The following LRMDA variants were observed in gnomAD, a reference collection of about 807,000 sequenced individuals.
The protein encoded by LRMDA is leucine-rich melanocyte differentiation-associated protein.
In LRMDA, 18 loss-of-function variants were observed where a neutral mutation model predicts 29.8. That is an observed-to-expected ratio of 0.60 (90% CI 0.42 to 0.90). The LOEUF (loss-of-function observed/expected upper bound fraction) is 0.90, where lower values mean the gene tolerates loss of function less well. LRMDA is among the 40% of genes least tolerant of loss of function. The pLI is 0.00. For missense variants in LRMDA, 273 were observed against 273.9 expected (o/e 1.00, Z 0.02); for synonymous variants, 125 against 109.4 (o/e 1.14, Z -0.89).
At chr10:75,436,690 C>T (rs1161346050) in intron 1 of LRMDA, among the ~76,000 whole-genome samples, 3 of 151,882 alleles carry the variant, frequency 2.0e-5, no homozygotes, top group Admixed American at 6.5e-5. Context: ...AGGATGGTGT[C>T]GATCCCCTGA....
At position 75,739,563 on chromosome 10, in the gene LRMDA, G is replaced by A. The variant is rs866250571; in HGVS notation, c.132-296445G>A. ...CTTGTTGGTCAGGCCATATATTATC[G>A]TTGGCGGGTTTGACAGCTTCTGAAG... On this transcript the variant is annotated intron_variant, in intron 2 of 6. Transcript: ENST00000611255. Among the ~76,000 whole-genome samples, 4 of 152,292 alleles carry A rather than the reference G, an allele frequency of 2.6e-5. No individual in the cohort carries two copies. The Middle Eastern group carries it at 0.01, about 389-fold the overall frequency.
chr10:76,351,262 T>C (rs1841173499), intron 6 of LRMDA, among the ~76,000 whole-genome samples: 1 of 152,164 alleles, frequency 6.6e-6, no homozygotes, highest in Admixed American at 6.5e-5. Context: ...GCTACCTTCC[T>C]TGCTTTTCTA....
chr10:76,204,062 G>A (rs116087856), intron 5 of LRMDA, among the ~76,000 whole-genome samples: 1,874 of 89,088 alleles, frequency 0.021, 45 homozygotes, highest in African/African-American at 0.071. Context: ...CTGTCCACCC[G>A]TCTCTATTCC....
intron 2 of LRMDA, among the ~76,000 whole-genome samples, chr10:75,971,124 C>T (rs1054640321): frequency 2.0e-5 from 3 of 152,148 alleles, no homozygotes; most frequent in African/African-American, 7.2e-5. Context: ...TTTCTCAGCA[C>T]CCCTGAGTCA....
chr10:75,793,828 G>A (rs1843607270), intron 2 of LRMDA, among the ~76,000 whole-genome samples: 1 of 152,212 alleles, frequency 6.6e-6, no homozygotes, highest in Non-Finnish European at 1.5e-5. Flanking sequence ...TGGAGCAGGA[G>A]TGAGAAATAA....
chr10:76,157,166 T>C (rs1159833306), intron 5 of LRMDA, among the ~76,000 whole-genome samples: 1 of 152,120 alleles, frequency 6.6e-6, no homozygotes, highest in Non-Finnish European at 1.5e-5. Flanking sequence ...CTTTTGAAAA[T>C]GGATCAAGGT....
chr10:76,145,386 A>G (rs566736530), intron 5 of LRMDA, among the ~76,000 whole-genome samples: 2 of 152,048 alleles, frequency 1.3e-5, no homozygotes, highest in African/African-American at 4.8e-5. Context: ...TTGGTCTATT[A>G]AGAGATTCAA....
chr10:76,013,841 G>A (rs1387570543), intron 2 of LRMDA, among the ~76,000 whole-genome samples: 1 of 151,624 alleles, frequency 6.6e-6, no homozygotes, highest in Non-Finnish European at 1.5e-5. Flanking sequence ...ATATTCCCTT[G>A]GCAATCACCA....
At chr10:76,045,651 C>T (rs1848426948) in intron 3 of LRMDA, among the ~76,000 whole-genome samples, 1 of 152,104 alleles carries the variant, frequency 6.6e-6, no homozygotes, top group Non-Finnish European at 1.5e-5. Flanking sequence ...TTAAGGAAGA[C>T]ATGTGAGCTT....
intron 2 of LRMDA, among the ~76,000 whole-genome samples, chr10:75,879,037 C>A (rs1845248840): frequency 6.6e-6 from 1 of 152,238 alleles, no homozygotes. Context: ...CATTGCTTCT[C>A]ATCCAGAGAC....
At chr10:76,290,486 G>A (rs1197688308) in intron 5 of LRMDA, among the ~76,000 whole-genome samples, 1 of 141,280 alleles carries the variant, frequency 7.1e-6, no homozygotes, top group African/African-American at 2.7e-5. Context: ...GCAGTGGTGC[G>A]ATTTCAGCTC....
chr10:75,829,394 G>C (rs1260509195), intron 2 of LRMDA, among the ~76,000 whole-genome samples: 1 of 152,106 alleles, frequency 6.6e-6, no homozygotes, highest in Non-Finnish European at 1.5e-5. Flanking sequence ...TTAATGGGCT[G>C]TCTGTGGCCC....
intron 5 of LRMDA, among the ~76,000 whole-genome samples, chr10:76,112,977 T>G (rs926710077): frequency 6.6e-6 from 1 of 152,160 alleles, no homozygotes; most frequent in Non-Finnish European, 1.5e-5. Context: ...ACATATTAAG[T>G]CTTCACAGAA....
At chr10:75,984,266 G>T (rs1847224183) in intron 2 of LRMDA, among the ~76,000 whole-genome samples, 1 of 151,434 alleles carries the variant, frequency 6.6e-6, no homozygotes. Flanking sequence ...AATTCTTGGG[G>T]ATCTGTGCCC....
intron 5 of LRMDA, among the ~76,000 whole-genome samples, chr10:76,078,199 C>A (rs1292650075): frequency 6.6e-6 from 1 of 151,306 alleles, no homozygotes; most frequent in South Asian, 2.1e-4. Flanking sequence ...TTAGTAGAGA[C>A]GTGTTTTCAC....
chr10:75,939,248 G>C (rs1222420293), intron 2 of LRMDA, among the ~76,000 whole-genome samples: 1 of 152,218 alleles, frequency 6.6e-6, no homozygotes, highest in Non-Finnish European at 1.5e-5. Context: ...AGGGGCTGGA[G>C]TATGTGCACT....
At chr10:76,162,403 T>G (rs1020562259) in intron 5 of LRMDA, among the ~76,000 whole-genome samples, 4 of 152,204 alleles carry the variant, frequency 2.6e-5, no homozygotes, top group Admixed American at 2.6e-4. Flanking sequence ...TAGTCAATTC[T>G]CGCATTGCTA....
In LRMDA at chr10:75,872,546, C is replaced by T. The variant is rs186927143; in HGVS notation, c.132-163462C>T. 4.6e-5 allele frequency among the ~76,000 whole-genome samples: 7 copies of T among 152,170 alleles called. No individual in the cohort carries two copies. The East Asian group carries it at 7.7e-4, about 17-fold the overall frequency. On this transcript the variant is annotated intron_variant, in intron 2 of 6. Coordinates refer to ENST00000611255, the MANE Select transcript of LRMDA (RefSeq NM_001305581.2). ...GTCTCAAACTCCTGACCTCGTGATC[C>T]GCCTGCCTCAACCTCCCAAAGTGGT...
chr10:75,794,711 T>C (rs1316771640), intron 2 of LRMDA, among the ~76,000 whole-genome samples: 2 of 152,246 alleles, frequency 1.3e-5, no homozygotes, highest in Admixed American at 1.3e-4. Flanking sequence ...TGTATTTTCA[T>C]GAGTTTACTG....
Sources: allele counts gnomAD v4.1 joint callset (sites outside exome capture counted in the v4.1 genomes callset), GRCh38; gene constraint gnomAD v4.1.1; transcripts MANE v1.5; gene names NCBI Gene and HGNC (gene_info 2026-07-23, HGNC 2026-07-21).